Variants in NME8 observed in about 807,000 individuals in gnomAD.
NME8 encodes protein NME8.
In NME8, 72 loss-of-function variants were observed where a neutral mutation model predicts 82.3. That is an observed-to-expected ratio of 0.87 (90% confidence interval 0.72 to 1.06). The LOEUF (loss-of-function observed/expected upper bound fraction) is 1.06. Ranked by LOEUF, NME8 falls within the 50% of genes least tolerant of loss-of-function variation. The probability of loss-of-function intolerance (pLI) is 0.00; values close to 1 mark genes in which losing one functional copy is unlikely to be tolerated. For missense variants in NME8, 712 were observed against 685.4 expected, an observed-to-expected ratio of 1.04 and a Z score of -0.43; for synonymous variants, 267 against 228.5, an observed-to-expected ratio of 1.17 and a Z score of -1.52.
chr7:37,850,480 G>A (rs1784423360), intron 4 of NME8, 45 bp downstream of exon 4: 2 of 1,604,124 alleles, frequency 1.2e-6, no homozygotes, highest in East Asian at 4.5e-5. Flanking sequence ...GTTTGACCCG[G>A]AGCTCCTCCT....
At chr7:37,873,952 T>C (rs962946718) in intron 11 of NME8, among the ~76,000 whole-genome samples, 1 of 152,188 alleles carries the variant, frequency 6.6e-6, no homozygotes, top group African/African-American at 2.4e-5. Flanking sequence ...AATAAGTTAC[T>C]TACAAGGGAA....
In NME8 at chr7:37,864,383, G is replaced by T; in HGVS notation, c.490G>T (p.Ala164Ser). The change falls in exon 9 of 18, where the codon GCT (alanine) becomes TCT (serine). Residue 164 changes from alanine to serine, a missense_variant. By Grantham distance (99) the Ala-to-Ser change is moderately conservative. Transcript: ENST00000199447. ...CAGTATTGCTATTATCAAACCGGAT[G>T]CTGTGATTAGTAAAAAAGTTCTAGA... ...LYSIAIIKPDAVISKKVLEIK... is the reference protein window; with the variant it reads ...LYSIAIIKPDSVISKKVLEIK... The T allele has an allele frequency of 3.1e-6, 5 of 1,590,082 alleles. No homozygotes were observed. The highest frequency in any genetic ancestry group is 4.3e-6 in the Non-Finnish European group (5 of 1,161,524).
At chr7:37,896,466 C>G (rs1213773675) in intron 16 of NME8, among the ~76,000 whole-genome samples, 1 of 152,162 alleles carries the variant, frequency 6.6e-6, no homozygotes, top group Non-Finnish European at 1.5e-5. Context: ...GTTGTATGCT[C>G]ACATCACTCA....
intron 15 of NME8, 83 bp from the exon 16 acceptor site, chr7:37,894,383 T>C: frequency 7.1e-7 from 1 of 1,398,664 alleles, no homozygotes; most frequent in Non-Finnish European, 1.0e-6. Flanking sequence ...TAAACTATCA[T>C]TTTCCTTAGT....
chr7:37,864,190 C>A (rs1784639548), intron 8 of NME8, among the ~76,000 whole-genome samples, 158 bp from the exon 9 acceptor site: 2 of 152,170 alleles, frequency 1.3e-5, no homozygotes, highest in Admixed American at 6.5e-5. Context: ...TAAGTAGGAA[C>A]CCTCTGGTAG....
At chr7:37,860,329 A>G (rs932630270) in intron 6 of NME8, among the ~76,000 whole-genome samples, 7 of 152,130 alleles carry the variant, frequency 4.6e-5, no homozygotes, top group Admixed American at 1.3e-4. Context: ...TAACTCCTCA[A>G]TCCATTCTAC....
At chr7:37,866,685 G>C (rs1784687566) in intron 10 of NME8, among the ~76,000 whole-genome samples, 2 of 152,310 alleles carry the variant, frequency 1.3e-5, no homozygotes, top group Admixed American at 1.3e-4. Context: ...GGAGAGATTT[G>C]TTAAAGATGT....
chr7:37,857,225 C>T (rs1228750923), intron 5 of NME8, 49 bp from the exon 6 acceptor site: 4 of 1,372,928 alleles, frequency 2.9e-6, no homozygotes, highest in Non-Finnish European at 4.1e-6. Context: ...TATCAAATTA[C>T]TTGAATATAG....
rs117202136 is a variant in NME8 at position 37,856,510 on chromosome 7, C to G, written c.199-764C>G. On this transcript the variant is annotated intron_variant, in intron 5 of 17. Coordinates refer to ENST00000199447, the MANE Select transcript of NME8 (RefSeq NM_016616.5). Reference sequence around the variant, plus strand: ...TAGCAATTTGCTATTGCAGCCCAAACTGACTAAGACACCAACTCTTACAGA... The same window carrying G: ...TAGCAATTTGCTATTGCAGCCCAAAGTGACTAAGACACCAACTCTTACAGA... Among the ~76,000 whole-genome samples, 10 of 152,288 alleles carry G rather than the reference C, an allele frequency of 6.6e-5. No individual in the cohort carries two copies. The East Asian group carries it at 1.9e-3, about 29-fold the overall frequency.
rs1191427909 is a variant in NME8, at chr7:37,892,819, A to G, written c.1400-1647A>G. On this transcript the variant is annotated intron_variant, in intron 15 of 17. Coordinates refer to ENST00000199447, the MANE Select transcript of NME8 (RefSeq NM_016616.5). The stretch of plus-strand genomic sequence containing the variant: ...TGATTTATGATTTTTTTAATGTTCA[A>G]ACTGCTTAATTCACATTAGGGTGTC... Among the ~76,000 whole-genome samples the G allele has an allele frequency of 2.0e-5, 3 of 151,892 alleles. No individual in the cohort carries two copies. In the South Asian group the frequency reaches 6.2e-4, roughly 31 times the overall value.
rs1345526064 is a variant in NME8 at position 37,884,409 on chromosome 7, T to G, written c.1101T>G (p.Asn367Lys). The change falls in exon 13 of 18, where the codon AAT becomes AAG. Residue 367 changes from asparagine (N) to lysine (K), a missense_variant. By Grantham distance (94) the Asn-to-Lys change is moderately conservative. Transcript: ENST00000199447. ...EAQALCKEYENEDYFNKLIEN... is the reference protein window; with the variant it reads ...EAQALCKEYEKEDYFNKLIEN... ...AAGCACTGTGCAAGGAATATGAAAATGAAGACTATTTTAATAAACTTATAG... is the reference window on the plus strand; with the variant it reads ...AAGCACTGTGCAAGGAATATGAAAAGGAAGACTATTTTAATAAACTTATAG... The G allele has an allele frequency of 6.2e-7, 1 of 1,611,210 alleles. No homozygotes were observed. The highest frequency in any genetic ancestry group is 2.2e-5 in the East Asian group (1 of 44,814).
chr7:37,882,613 G>GAGAGAGAGAAAGAAAGAA (rs1273553790), intron 12 of NME8, among the ~76,000 whole-genome samples: 1 of 85,074 alleles, frequency 1.2e-5, no homozygotes, highest in African/African-American at 3.6e-5. Context: ...GAGAGAGAGA[G>GAGAGAGAGAAAGAAAGAA]AGAAAGAAAG....
intron 17 of NME8, among the ~76,000 whole-genome samples, chr7:37,898,713 G>T (rs1037377628): frequency 3.9e-5 from 6 of 152,288 alleles, no homozygotes; most frequent in Admixed American, 1.3e-4. Context: ...TGAAGGAAGG[G>T]TGAAATTGTA....
At chr7:37,889,948 AT>A (rs147986046) in intron 15 of NME8, among the ~76,000 whole-genome samples, 13,079 of 151,868 alleles carry the variant, frequency 0.086, 789 homozygotes, top group East Asian at 0.31. Flanking sequence ...TATTTCCTGT[AT>A]TTTCTGATTT....
At chr7:37,866,179 G>T (rs180779433) in intron 10 of NME8, among the ~76,000 whole-genome samples, 185 of 151,972 alleles carry the variant, frequency 1.2e-3, no homozygotes, top group Non-Finnish European at 1.9e-3. Flanking sequence ...CAATATGGTA[G>T]CTACTAGATA....
rs544815792 is a variant in NME8, at chr7:37,856,615, T to C, written c.199-659T>C. On this transcript the variant is annotated intron_variant, in intron 5 of 17. Coordinates refer to ENST00000199447, the MANE Select transcript of NME8 (RefSeq NM_016616.5). ...TATGGAAGAAGACACTATTATTGAA[T>C]GTATAGTTGTTCATAATTAATTTGG... Among the ~76,000 whole-genome samples, 63 of 152,338 alleles carry C rather than the reference T, an allele frequency of 4.1e-4. 1 individual carries two copies. Among genetic ancestry groups the C allele is most frequent in the African/African-American group, 1.5e-3 (61 of 41,576 alleles).
At chr7:37,899,157 C>T (rs1300096182) in intron 17 of NME8, among the ~76,000 whole-genome samples, 1 of 152,116 alleles carries the variant, frequency 6.6e-6, no homozygotes, top group East Asian at 1.9e-4. Context: ...CCAGAAATAC[C>T]ATTTGACCCA....
chr7:37,870,291 TA>T (rs916204415), intron 11 of NME8, among the ~76,000 whole-genome samples: 1 of 151,886 alleles, frequency 6.6e-6, no homozygotes, highest in African/African-American at 2.4e-5. Flanking sequence ...ATAATGTTTT[TA>T]AAAGTTTACC....
In NME8 at chr7:37,858,681, G is replaced by A. The variant is rs150007107; in HGVS notation, c.270+1336G>A. 2.0e-3 allele frequency among the ~76,000 whole-genome samples: 305 copies of A among 152,250 alleles called. 2 individuals carry two copies. Among genetic ancestry groups the A allele is most frequent in the African/African-American group, 7.0e-3 (290 of 41,530 alleles). On this transcript the variant is annotated intron_variant, in intron 6 of 17. Coordinates refer to ENST00000199447, the MANE Select transcript of NME8 (RefSeq NM_016616.5). ...AGGAGGCTTTAGCTGCACGTAGTGGGTAGGTGCATGGGAATGAGAGAAAAG... is the reference window on the plus strand; with the variant it reads ...AGGAGGCTTTAGCTGCACGTAGTGGATAGGTGCATGGGAATGAGAGAAAAG...
Sources: gnomAD v4.1 joint callset for allele counts (sites outside exome capture counted in the v4.1 genomes callset) on GRCh38, gnomAD v4.1.1 for gene constraint, MANE v1.5 for transcripts, NCBI Gene and HGNC (gene_info 2026-07-23, HGNC 2026-07-21) for gene names.